Variants in CSMD3 observed in about 807,000 individuals in gnomAD.
The protein encoded by CSMD3 is CUB and Sushi multiple domains 3, also known as CUB and sushi domain-containing protein 3.
A neutral mutation model predicts 435.2 loss-of-function variants in CSMD3; 177 were observed. The ratio of observed to expected loss-of-function variants is 0.41; its 90% CI spans 0.36 to 0.46. The LOEUF (loss-of-function observed/expected upper bound fraction) is 0.46. Among genes scored for constraint, CSMD3 ranks in the 20% least tolerant of loss-of-function variants. The pLI is 0.34. For synonymous variants in CSMD3, 1,656 were observed against 1,520.5 expected, an observed-to-expected ratio of 1.09 and a Z score of -2.07; for missense variants, 4,265 against 4,504.6, an observed-to-expected ratio of 0.95 and a Z score of 1.52.
rs146566547 is a variant in CSMD3 at position 112,972,224 on chromosome 8, G to T, written c.1342+3613C>A. Among the ~76,000 whole-genome samples, 58 of 151,890 alleles carry T rather than the reference G, an allele frequency of 3.8e-4. 1 individual carries two copies. The highest frequency in any genetic ancestry group is 1.0e-3 in the Admixed American group (16 of 15,258). On this transcript the variant is annotated intron_variant, in intron 7 of 70. Transcript: ENST00000297405. ...ATGATCAAAAGACATAAAACTGAAAGTTTAACTGGAATGTGAATAAAAAAA... is the reference window on the plus strand; with the variant it reads ...ATGATCAAAAGACATAAAACTGAAATTTTAACTGGAATGTGAATAAAAAAA...
At chr8:112,282,752 A>G (rs1467544350) in intron 58 of CSMD3, among the ~76,000 whole-genome samples, 1 of 152,132 alleles carries the variant, frequency 6.6e-6, no homozygotes. Context: ...TAAGTGCGTC[A>G]TCTATCATGA....
intron 27 of CSMD3, among the ~76,000 whole-genome samples, chr8:112,529,393 G>A (rs1241985883): frequency 1.3e-5 from 2 of 152,046 alleles, no homozygotes; most frequent in Non-Finnish European, 2.9e-5. Flanking sequence ...TTTGAGACCA[G>A]CCTGAACATC....
intron 10 of CSMD3, among the ~76,000 whole-genome samples, chr8:112,897,289 A>C (rs1288073750): frequency 6.6e-6 from 1 of 151,400 alleles, no homozygotes; most frequent in Non-Finnish European, 1.5e-5. Flanking sequence ...ATTATTTGTC[A>C]ATGTTTTATT....
chr8:112,981,932 T>A (rs1056155431), intron 6 of CSMD3, among the ~76,000 whole-genome samples: 14 of 151,798 alleles, frequency 9.2e-5, no homozygotes, highest in Non-Finnish European at 5.9e-5. Context: ...ATTGCAGTTT[T>A]ACCCTAAGAA....
chr8:112,777,195 C>T (rs546782861), intron 13 of CSMD3, among the ~76,000 whole-genome samples: 4 of 151,886 alleles, frequency 2.6e-5, no homozygotes, highest in African/African-American at 7.2e-5. Context: ...ACTTTCCAGG[C>T]TTTGTCTGGT....
intron 13 of CSMD3, among the ~76,000 whole-genome samples, chr8:112,715,674 A>G (rs2076709416): frequency 6.6e-6 from 1 of 152,216 alleles, no homozygotes; most frequent in Admixed American, 6.5e-5. Flanking sequence ...GAAACACCTC[A>G]ATAAAATACT....
intron 68 of CSMD3, 78 bp downstream of exon 68, chr8:112,234,287 T>C (rs887638604): frequency 1.0e-5 from 9 of 884,988 alleles, no homozygotes; most frequent in African/African-American, 1.7e-5. Flanking sequence ...TAGCTAAATT[T>C]AGAAAACTCT....
In CSMD3 at chr8:112,301,817, T is replaced by A. The variant is rs1483442143; in HGVS notation, c.8416A>T (p.Ser2806Cys). 6.2e-7 allele frequency: 1 copy of A among 1,613,616 alleles called. No homozygotes were observed. The highest frequency in any genetic ancestry group is 8.5e-7 in the Non-Finnish European group (1 of 1,179,868). Residue 2806 changes from serine to cysteine, a missense_variant, in exon 53 of 71, where the codon AGT becomes TGT. This residue lies in a region of CSMD3 where 3,255 missense variants were observed against 3,380.2 expected (regional missense o/e 0.96). Coordinates refer to ENST00000297405, the MANE Select transcript of CSMD3 (RefSeq NM_198123.2). Reference protein sequence around the residue: ...VRECLSSGLWSESETRCLAGH... With the variant: ...VRECLSSGLWCESETRCLAGH... ...CCTAGGCATCTGGTTTCAGATTCAC[T>A]CCAAAGACCTGAGGAAAGGCATTCC... is the stretch of plus-strand genomic sequence containing the variant.
chr8:113,121,839 T>G (rs2131638322), intron 4 of CSMD3, among the ~76,000 whole-genome samples: 1 of 152,248 alleles, frequency 6.6e-6, no homozygotes, highest in African/African-American at 2.4e-5. Flanking sequence ...ATGAATACTT[T>G]AAAATAAATA....
At chr8:112,699,713 G>T (rs1432718147) in intron 13 of CSMD3, among the ~76,000 whole-genome samples, 1 of 152,280 alleles carries the variant, frequency 6.6e-6, no homozygotes, top group East Asian at 1.9e-4. Flanking sequence ...TGAGAGGCGA[G>T]CATCATTTTT....
At chr8:113,051,378 C>T (rs927750579) in intron 5 of CSMD3, among the ~76,000 whole-genome samples, 3 of 152,054 alleles carry the variant, frequency 2.0e-5, no homozygotes, top group African/African-American at 7.2e-5. Flanking sequence ...GGGTATTTGT[C>T]AAATTATATA....
intron 5 of CSMD3, among the ~76,000 whole-genome samples, chr8:113,031,000 A>G (rs1334889246): frequency 6.6e-6 from 1 of 151,624 alleles, no homozygotes; most frequent in African/African-American, 2.4e-5. Flanking sequence ...GACTATGCCA[A>G]ATGTGAGGAT....
intron 32 of CSMD3, among the ~76,000 whole-genome samples, chr8:112,412,542 T>G (rs1458340528): frequency 2.0e-5 from 3 of 152,164 alleles, no homozygotes; most frequent in Admixed American, 6.5e-5. Context: ...TTTTCTTCTT[T>G]AAACATAATA....
chr8:112,326,281 A>G (rs2050683775), intron 45 of CSMD3, among the ~76,000 whole-genome samples: 1 of 152,126 alleles, frequency 6.6e-6, no homozygotes, highest in Non-Finnish European at 1.5e-5. Context: ...TTTCTATCAA[A>G]CCAATCAACA....
intron 1 of CSMD3, among the ~76,000 whole-genome samples, chr8:113,409,618 A>G (rs2094549002): frequency 2.6e-5 from 4 of 152,122 alleles, no homozygotes; most frequent in Admixed American, 2.6e-4. Flanking sequence ...GCATTTCTGG[A>G]TTTTCATTAC....
chr8:113,087,697 A>G (rs1191431550), intron 5 of CSMD3, among the ~76,000 whole-genome samples: 4 of 152,110 alleles, frequency 2.6e-5, no homozygotes, highest in African/African-American at 7.2e-5. Context: ...CACCTTATAC[A>G]AAAATTAATT....
chr8:113,100,192 G>A (rs565247910), intron 4 of CSMD3, among the ~76,000 whole-genome samples: 21 of 151,938 alleles, frequency 1.4e-4, no homozygotes, highest in East Asian at 9.7e-4. Context: ...AAGTATGTTC[G>A]TCTTAAAATA....
chr8:113,135,528 A>G (rs911887338), intron 4 of CSMD3, among the ~76,000 whole-genome samples: 2 of 151,866 alleles, frequency 1.3e-5, no homozygotes, highest in African/African-American at 2.4e-5. Flanking sequence ...TAACCACCAT[A>G]TAATTTACCT....
At chr8:112,461,571 A>G (rs922868414) in intron 32 of CSMD3, among the ~76,000 whole-genome samples, 1 of 152,194 alleles carries the variant, frequency 6.6e-6, no homozygotes, top group African/African-American at 2.4e-5. Context: ...TTGTGCCTAA[A>G]TACCAGCAGG....
Sources: gnomAD v4.1 joint callset for allele counts (sites outside exome capture counted in the v4.1 genomes callset) on GRCh38, gnomAD v4.1.1 for gene constraint, gnomAD v4.1.1 regional missense constraint, MANE v1.5 for transcripts, NCBI Gene and HGNC (gene_info 2026-07-23, HGNC 2026-07-21) for gene names.